Variants in ACBD6 observed in about 807,000 individuals in gnomAD.
The protein encoded by ACBD6 is acyl-CoA-binding domain-containing protein 6.
ACBD6 carries 28 observed loss-of-function variants against 37.2 expected under a neutral mutation model. That is an observed-to-expected ratio of 0.75 (90% CI 0.56 to 1.03). ACBD6 has a LOEUF of 1.03. ACBD6 is among the 50% of genes least tolerant of loss of function. ACBD6 has a pLI of 0.00. For missense variants in ACBD6, 340 were observed against 337.4 expected (o/e 1.01, Z -0.06); for synonymous variants, 113 against 126.8 (o/e 0.89, Z 0.73).
At chr1:180,365,268 A>T (rs1027244731) in intron 6 of ACBD6, among the ~76,000 whole-genome samples, 1 of 152,234 alleles carries the variant, frequency 6.6e-6, no homozygotes, top group African/African-American at 2.4e-5. Context: ...TCTAGTTGAT[A>T]GAAGAACGTG....
At chr1:180,382,284 A>G (rs2101929193) in intron 6 of ACBD6, among the ~76,000 whole-genome samples, 1 of 152,170 alleles carries the variant, frequency 6.6e-6, no homozygotes, top group South Asian at 2.1e-4. Context: ...CTGAAAAGAT[A>G]AACAGAAGTT....
At chr1:180,338,460 A>G (rs954576732) in intron 6 of ACBD6, among the ~76,000 whole-genome samples, 3 of 152,212 alleles carry the variant, frequency 2.0e-5, no homozygotes, top group African/African-American at 7.2e-5. Context: ...GGTGCTGGGA[A>G]AACTGGCTAG....
At position 180,444,539 on chromosome 1, in the gene ACBD6, G is replaced by C. The variant is rs542962095; in HGVS notation, c.385-14277C>G. Among the ~76,000 whole-genome samples, 13 of 152,288 alleles carry C rather than the reference G, an allele frequency of 8.5e-5. No individual in the cohort carries two copies. The South Asian group carries it at 2.5e-3, about 29-fold the overall frequency. The stretch of plus-strand genomic sequence containing the variant: ...ATTATCAGATTGAATCCAGAATAAA[G>C]ATGCCAAAGATGCGTTAGTTTTCCT... On this transcript the variant is annotated intron_variant, in intron 3 of 7. Coordinates refer to ENST00000367595, the MANE Select transcript of ACBD6 (RefSeq NM_032360.4).
chr1:180,468,368 C>T (rs950597535), intron 3 of ACBD6, among the ~76,000 whole-genome samples: 7 of 152,238 alleles, frequency 4.6e-5, no homozygotes, highest in East Asian at 3.9e-4. Context: ...GTCCTGCTGA[C>T]GCGGGTCCTC....
intron 6 of ACBD6, among the ~76,000 whole-genome samples, chr1:180,371,673 A>T (rs1177885207): frequency 6.6e-6 from 1 of 152,174 alleles, no homozygotes; most frequent in African/African-American, 2.4e-5. Context: ...TGGTCATAAG[A>T]GGTAGGGCCT....
At position 180,502,345 on chromosome 1, in the gene ACBD6, C is replaced by A. The variant is rs574426311; in HGVS notation, c.-79G>T. 2.0e-6 allele frequency: 3 copies of A among 1,504,620 alleles called. No individual in the cohort carries two copies. The highest frequency in any genetic ancestry group is 1.2e-5 in the South Asian group (1 of 85,580). 93.2% of individuals were successfully genotyped at this position (1,504,620 alleles called of 1,614,324 possible). A position where few individuals can be genotyped will look rare whatever the true frequency, so the allele number is the denominator to read the frequency against. On this transcript the variant is annotated 5_prime_UTR_variant, in exon 1 of 8. Transcript: ENST00000367595. ...TGTAAGGCCGGCTTGGAGGCCTGGCCCACCAGTCTGGGTCGCGAGCCTGAG... is the reference window on the plus strand; with the variant it reads ...TGTAAGGCCGGCTTGGAGGCCTGGCACACCAGTCTGGGTCGCGAGCCTGAG...
At chr1:180,439,119 A>T (rs974788628) in intron 3 of ACBD6, among the ~76,000 whole-genome samples, 1 of 152,228 alleles carries the variant, frequency 6.6e-6, no homozygotes, top group Non-Finnish European at 1.5e-5. Flanking sequence ...CTTTTTAAAA[A>T]TTTTAAATTA....
intron 5 of ACBD6, among the ~76,000 whole-genome samples, chr1:180,406,670 A>T (rs1647642210): frequency 6.6e-6 from 1 of 152,172 alleles, no homozygotes; most frequent in Non-Finnish European, 1.5e-5. Context: ...TTACTTTATT[A>T]TTATAATTAA....
intron 5 of ACBD6, among the ~76,000 whole-genome samples, chr1:180,398,056 AACT>A (rs1387832932): frequency 7.0e-5 from 5 of 71,198 alleles, no homozygotes; most frequent in Admixed American, 1.4e-4. Context: ...CCATCTCAAA[AACT>A]ACAACAACAA....
At chr1:180,397,692 T>TA in intron 5 of ACBD6, 87 bp from the exon 6 acceptor site, 1 of 1,107,192 alleles carries the variant, frequency 9.0e-7, no homozygotes, top group South Asian at 1.3e-5. Flanking sequence ...CAAGGAAATA[T>TA]AAAAAATTAT....
At chr1:180,490,922 T>C (rs2102087946) in intron 3 of ACBD6, among the ~76,000 whole-genome samples, 1 of 145,686 alleles carries the variant, frequency 6.9e-6, no homozygotes, top group Middle Eastern at 3.6e-3. Context: ...CCTACTACTG[T>C]GCTCCAGTCT....
At chr1:180,396,659 T>TA in intron 6 of ACBD6, among the ~76,000 whole-genome samples, 1 of 152,184 alleles carries the variant, frequency 6.6e-6, no homozygotes, top group East Asian at 1.9e-4. Flanking sequence ...CCAGAAAAGA[T>TA]ATGCAAATAG....
chr1:180,490,189 T>C (rs961448696), intron 3 of ACBD6, among the ~76,000 whole-genome samples: 3 of 152,240 alleles, frequency 2.0e-5, no homozygotes, highest in Non-Finnish European at 2.9e-5. Flanking sequence ...TTCTAAACAT[T>C]GTGCAACAGT....
intron 4 of ACBD6, among the ~76,000 whole-genome samples, chr1:180,429,503 T>C (rs1461028767): frequency 6.6e-6 from 1 of 152,166 alleles, no homozygotes; most frequent in Non-Finnish European, 1.5e-5. Flanking sequence ...TCCATCCATC[T>C]GTCAACAGAT....
chr1:180,418,758 T>G (rs1023580265), intron 4 of ACBD6, among the ~76,000 whole-genome samples: 6 of 152,170 alleles, frequency 3.9e-5, no homozygotes, highest in African/African-American at 1.4e-4. Flanking sequence ...TGACTCTCAA[T>G]CTTACCAAAG....
Position 180,350,904 on chromosome 1 carries a change from T to C in ACBD6, c.664-36182A>G, listed in dbSNP as rs566563081. Among the ~76,000 whole-genome samples, 38 of 152,324 alleles carry C rather than the reference T, an allele frequency of 2.5e-4. No homozygotes were observed. The South Asian group carries it at 7.7e-3, about 31-fold the overall frequency. On this transcript the variant is annotated intron_variant, in intron 6 of 7. Transcript: ENST00000367595. ...TTCTACTGTCTCAGATAGTAAGCGA[T>C]GTCAGGGCAGGAACCACAGTTTGTA...
At chr1:180,454,354 C>G (rs1166687077) in intron 3 of ACBD6, among the ~76,000 whole-genome samples, 1 of 152,162 alleles carries the variant, frequency 6.6e-6, no homozygotes, top group Non-Finnish European at 1.5e-5. Flanking sequence ...CCCTTCCTTA[C>G]ACCTTATACA....
exon 14 of ACBD6, chr1:180,270,906 C>CGTATCATTAAAAAAAGAA: frequency 4.2e-6 from 1 of 238,406 alleles, no homozygotes; most frequent in Non-Finnish European, 8.4e-6. Context: ...CCAGCGACGC[C>CGTATCATTAAAAAAAGAA]AGGGCAAAGG....
intron 3 of ACBD6, among the ~76,000 whole-genome samples, chr1:180,452,699 T>C (rs1209582720): frequency 2.3e-3 from 4 of 1,756 alleles, no homozygotes; most frequent in Non-Finnish European, 3.8e-3. Flanking sequence ...GAGAGAAGAT[T>C]CAATAGACAC....
Sources: allele counts gnomAD v4.1 joint callset (sites outside exome capture counted in the v4.1 genomes callset), GRCh38; gene constraint gnomAD v4.1.1; transcripts MANE v1.5; gene names NCBI Gene and HGNC (gene_info 2026-07-23, HGNC 2026-07-21).